The following YTHDC2 variants were observed in gnomAD, a reference collection of about 807,000 sequenced individuals.
YTHDC2 encodes YTH N6-methyladenosine RNA binding protein C2.
In YTHDC2, 45 loss-of-function variants were observed where a neutral mutation model predicts 174.9. The observed-to-expected ratio is 0.26, with a 90% CI of 0.20 to 0.33. The LOEUF is 0.33. Among genes scored for constraint, YTHDC2 ranks in the 10% least tolerant of loss-of-function variants. YTHDC2 has a pLI of 1.00. For missense variants in YTHDC2, 1,650 were observed against 1,723.7 expected (o/e 0.96, Z 0.76); for synonymous variants, 657 against 574.5 (o/e 1.14, Z -2.05).
intron 5 of YTHDC2, 52 bp downstream of exon 5, chr5:113,533,097 T>A: frequency 6.4e-7 from 1 of 1,574,480 alleles, no homozygotes; most frequent in Middle Eastern, 1.7e-4. Context: ...AAAAAGACTA[T>A]GTATATTTCA....
chr5:113,524,133 T>G (rs1334852168), intron 2 of YTHDC2, among the ~76,000 whole-genome samples: 4 of 152,156 alleles, frequency 2.6e-5, no homozygotes, highest in Non-Finnish European at 2.9e-5. Flanking sequence ...GTGCCACAAC[T>G]AGTAAGTGGT....
chr5:113,580,692 T>G (rs1778348098), intron 24 of YTHDC2, among the ~76,000 whole-genome samples: 1 of 152,200 alleles, frequency 6.6e-6, no homozygotes, highest in African/African-American at 2.4e-5. Context: ...TCAAAGTCAG[T>G]CTGCTGTCTG....
At chr5:113,521,527 T>C (rs1773857343) in intron 2 of YTHDC2, among the ~76,000 whole-genome samples, 2 of 151,994 alleles carry the variant, frequency 1.3e-5, no homozygotes, top group East Asian at 3.9e-4. Context: ...GGTCAGGAGT[T>C]CCAGACCAGC....
At position 113,595,242 on chromosome 5, in the gene YTHDC2, G is replaced by A. The variant is rs564665387; in HGVS notation, c.*1768G>A. On this transcript the variant is annotated 3_prime_UTR_variant, in exon 30 of 30. Coordinates refer to ENST00000161863, the MANE Select transcript of YTHDC2 (RefSeq NM_022828.5). ...GTAATTAAAGTGCTGTTTTTTGGAAGCGATAAACTTTAAATATACTTATTA... is the reference window on the plus strand; with the variant it reads ...GTAATTAAAGTGCTGTTTTTTGGAAACGATAAACTTTAAATATACTTATTA... The A allele has an allele frequency of 2.0e-5, 3 of 152,082 alleles. No homozygotes were observed. Among genetic ancestry groups the A allele is most frequent in the African/African-American group, 7.2e-5 (3 of 41,524 alleles). 9.4% of individuals were successfully genotyped at this position (152,082 alleles called of 1,614,324 possible).
intron 26 of YTHDC2, among the ~76,000 whole-genome samples, chr5:113,587,981 T>G (rs1342051476): frequency 6.6e-6 from 1 of 152,124 alleles, no homozygotes. Flanking sequence ...CAATTTTTTG[T>G]TAAATTTCTC....
chr5:113,561,237 G>C, intron 18 of YTHDC2, 52 bp downstream of exon 18: 32 of 1,420,638 alleles, frequency 2.3e-5, no homozygotes, highest in Non-Finnish European at 2.9e-5. Context: ...GGGAAGTGAG[G>C]GGCCATTTCA....
At chr5:113,560,570 G>C (rs1431527149) in intron 17 of YTHDC2, among the ~76,000 whole-genome samples, 2 of 152,144 alleles carry the variant, frequency 1.3e-5, no homozygotes, top group Non-Finnish European at 2.9e-5. Context: ...AGCTGATATA[G>C]TGACTTTGGG....
At chr5:113,553,045 A>T (rs961502414) in intron 12 of YTHDC2, 136 bp from the exon 13 acceptor site, 1 of 874,950 alleles carries the variant, frequency 1.1e-6, no homozygotes, top group Non-Finnish European at 1.6e-6. Context: ...AAATCAAAAC[A>T]TGAATCATAT....
At chr5:113,565,034 G>A (rs1402725146) in intron 20 of YTHDC2, among the ~76,000 whole-genome samples, 17 of 152,158 alleles carry the variant, frequency 1.1e-4, no homozygotes, top group African/African-American at 1.9e-4. Context: ...GGCTGGTCTC[G>A]AACTTCTGAC....
chr5:113,525,508 G>T (rs1774153410), intron 3 of YTHDC2, among the ~76,000 whole-genome samples: 1 of 151,954 alleles, frequency 6.6e-6, no homozygotes, highest in Non-Finnish European at 1.5e-5. Context: ...TATTTCACAG[G>T]TGAAGAAACT....
intron 4 of YTHDC2, among the ~76,000 whole-genome samples, chr5:113,527,122 A>G (rs963729675): frequency 6.6e-6 from 1 of 152,144 alleles, no homozygotes; most frequent in Admixed American, 6.6e-5. Context: ...TCCCTCAGTT[A>G]TTGAAGTTCC....
rs1455872399 is a variant in YTHDC2 at position 113,535,633 on chromosome 5, TTACTA to T, written c.946-6_946-2del. On this transcript the variant is annotated splice_region_variant and splice_polypyrimidine_tract_variant and intron_variant, in intron 6 of 29. Coordinates refer to ENST00000161863, the MANE Select transcript of YTHDC2 (RefSeq NM_022828.5). ...AACTGTTCCATGGTTTTATTTCTGT[TTACTA>T]TAGGATGAAGTGCATGAAAGGGATC... is the stretch of plus-strand genomic sequence containing the variant. The T allele has an allele frequency of 6.3e-7, 1 of 1,593,998 alleles. No individual in the cohort carries two copies. The highest frequency in any genetic ancestry group is 1.4e-5 in the African/African-American group (1 of 73,620).
At chr5:113,569,527 G>GT (rs1348200197) in intron 23 of YTHDC2, among the ~76,000 whole-genome samples, 11 of 152,172 alleles carry the variant, frequency 7.2e-5, no homozygotes, top group African/African-American at 2.7e-4. Context: ...TGTCGAAGGT[G>GT]TTAGGAAGGG....
Position 113,521,837 on chromosome 5 carries a change from AG to A in YTHDC2, c.279-3143del, listed in dbSNP as rs372261275. 2.6e-3 allele frequency among the ~76,000 whole-genome samples: 355 copies of A among 136,326 alleles called. 1 individual carries two copies. Among genetic ancestry groups the A allele is most frequent in the Non-Finnish European group, 4.1e-3 (256 of 61,946 alleles). The allele number at this position is 136,326 out of a possible 152,430, so 89.4% of individuals were successfully genotyped here. ...CTCTGTCTCAAAAAAAAAAAAAAAA[AG>A]AAAAACCCAGAAAAATAAATTTACT... On this transcript the variant is annotated intron_variant, in intron 2 of 29. Transcript: ENST00000161863.
chr5:113,523,036 CTTA>C (rs1183553568), intron 2 of YTHDC2, among the ~76,000 whole-genome samples: 1 of 151,958 alleles, frequency 6.6e-6, no homozygotes, highest in Non-Finnish European at 1.5e-5. Flanking sequence ...TTCAATCTAA[CTTA>C]TTATTTCAGT....
At chr5:113,539,048 G>A in intron 7 of YTHDC2, 26 bp from the exon 8 acceptor site, 3 of 1,109,698 alleles carry the variant, frequency 2.7e-6, no homozygotes, top group Middle Eastern at 2.3e-4. Flanking sequence ...TGCAAGTTGA[G>A]TATTTAATTT....
chr5:113,555,648 T>A (rs1349100654), intron 16 of YTHDC2, among the ~76,000 whole-genome samples: 2 of 148,318 alleles, frequency 1.3e-5, no homozygotes, highest in Non-Finnish European at 3.0e-5. Context: ...CCCTGAAAAG[T>A]ATTTCAGAAA....
intron 4 of YTHDC2, among the ~76,000 whole-genome samples, chr5:113,531,492 G>A (rs1304039636): frequency 6.6e-6 from 1 of 152,010 alleles, no homozygotes; most frequent in Non-Finnish European, 1.5e-5. Flanking sequence ...TTAAAGGTTG[G>A]TCTTAGGACC....
chr5:113,548,813 T>A, intron 11 of YTHDC2, 142 bp from the exon 12 acceptor site: 1 of 1,151,002 alleles, frequency 8.7e-7, no homozygotes, highest in Non-Finnish European at 1.2e-6. Context: ...TAATTTTGAA[T>A]GACTTGTTTT....
Sources: gnomAD v4.1 joint callset for allele counts (sites outside exome capture counted in the v4.1 genomes callset) on GRCh38, gnomAD v4.1.1 for gene constraint, MANE v1.5 for transcripts, NCBI Gene and HGNC (gene_info 2026-07-23, HGNC 2026-07-21) for gene names.